Variants in CBLN2 observed in about 807,000 individuals in gnomAD.
CBLN2 encodes cerebellin-2.
A neutral mutation model predicts 15.0 loss-of-function variants in CBLN2; 7 were observed. The observed-to-expected ratio is 0.47, with a 90% confidence interval of 0.27 to 0.88. The LOEUF (loss-of-function observed/expected upper bound fraction) is 0.88, where lower values mean the gene tolerates loss of function less well. CBLN2 is among the 40% of genes least tolerant of loss of function. CBLN2 has a pLI of 0.14. For missense variants in CBLN2, 242 were observed against 304.5 expected, an observed-to-expected ratio of 0.79 and a Z score of 1.53; for synonymous variants, 149 against 135.2, an observed-to-expected ratio of 1.10 and a Z score of -0.71.
intron 1 of CBLN2, among the ~76,000 whole-genome samples, chr18:72,575,013 G>A (rs1279865586): frequency 6.6e-6 from 1 of 152,160 alleles, no homozygotes; most frequent in Non-Finnish European, 1.5e-5. Flanking sequence ...GAGTGTTTGG[G>A]TGGAAGTGAT....
chr18:72,585,793 C>T (rs2069438816), intron 1 of CBLN2, among the ~76,000 whole-genome samples: 1 of 152,224 alleles, frequency 6.6e-6, no homozygotes. Flanking sequence ...ACCCTCAGTA[C>T]CCCCTTGGCC....
chr18:72,564,041 T>C (rs1014753751), intron 1 of CBLN2, among the ~76,000 whole-genome samples: 6 of 152,202 alleles, frequency 3.9e-5, no homozygotes, highest in African/African-American at 1.4e-4. Context: ...AAAACGTACC[T>C]GCAGGTGGAA....
intron 1 of CBLN2, among the ~76,000 whole-genome samples, chr18:72,575,799 T>A (rs1024162710): frequency 5.6e-5 from 5 of 89,398 alleles, no homozygotes; most frequent in Admixed American, 2.8e-4. Flanking sequence ...GAACGGGAGA[T>A]GTGCGGTGAC....
intron 1 of CBLN2, among the ~76,000 whole-genome samples, chr18:72,571,644 C>T (rs2069332839): frequency 6.6e-6 from 1 of 152,174 alleles, no homozygotes; most frequent in African/African-American, 2.4e-5. Context: ...CTTGTGTCCA[C>T]CACTGTCCGT....
chr18:72,620,045 CA>C (rs1240932955), intron 1 of CBLN2, among the ~76,000 whole-genome samples: 2 of 152,236 alleles, frequency 1.3e-5, no homozygotes, highest in Non-Finnish European at 2.9e-5. Flanking sequence ...TTTTGGGCAC[CA>C]GCAGGAACAA....
Position 72,577,815 on chromosome 18 carries a change from T to C in CBLN2, c.16-39043A>G, listed in dbSNP as rs368762563. Among the ~76,000 whole-genome samples the C allele has an allele frequency of 3.1e-4, 47 of 152,332 alleles. No homozygotes were observed. In the South Asian group the frequency reaches 9.5e-3, roughly 31 times the overall value. The stretch of plus-strand genomic sequence containing the variant: ...CGTAAATGTTGTTCACTGAATATGA[T>C]GAGCATTTGTAGCATAATAGTTTGT... On this transcript the variant is annotated intron_variant, in intron 1 of 2. Transcript: ENST00000581073.
At position 72,544,241 on chromosome 18, in the gene CBLN2, T is replaced by G. The variant is rs1321204228; in HGVS notation, c.-476A>C. 3.5e-5 allele frequency: 2 copies of G among 57,376 alleles called. No homozygotes were observed. Among genetic ancestry groups the G allele is most frequent in the African/African-American group, 6.1e-5 (2 of 32,736 alleles). The allele number at this position is 57,376 out of a possible 1,614,324, so 3.6% of individuals were successfully genotyped here. Reference sequence around the variant, plus strand: ...CTTGAGAATTTGATGATTTAGGAGCTGTGGTTCCAGAGTCCCAGTTGGGGA... The same window carrying G: ...CTTGAGAATTTGATGATTTAGGAGCGGTGGTTCCAGAGTCCCAGTTGGGGA... On this transcript the variant is annotated 5_prime_UTR_variant, in exon 1 of 5. Transcript: ENST00000269503.
At chr18:72,560,292 T>C (rs1299792178) in intron 1 of CBLN2, among the ~76,000 whole-genome samples, 1 of 152,166 alleles carries the variant, frequency 6.6e-6, no homozygotes, top group African/African-American at 2.4e-5. Flanking sequence ...AAAATAATTC[T>C]TCTGTGTTTA....
In CBLN2 at chr18:72,541,921, G is replaced by A. The variant is rs1409899937; in HGVS notation, c.240C>T (p.Ser80=). 6.2e-7 allele frequency: 1 copy of A among 1,608,368 alleles called. No homozygotes were observed. Among genetic ancestry groups the A allele is most frequent in the Non-Finnish European group, 8.5e-7 (1 of 1,179,528 alleles). Residue 80 remains serine (S), a synonymous_variant, in exon 3 of 5, where the codon TCC becomes TCT. Coordinates refer to ENST00000269503, the MANE Select transcript of CBLN2 (RefSeq NM_182511.4). ...SSPSADGAVT[S]SLGISVRSGS... The stretch of plus-strand genomic sequence containing the variant: ...CGGAGCGCACGGAGATGCCTAGGGA[G>A]GAGGTGACGGCGCCGTCCGCCGACG...
At chr18:72,586,637 G>A (rs654618) in intron 1 of CBLN2, among the ~76,000 whole-genome samples, 53,319 of 152,040 alleles carry the variant, frequency 0.35, 11,494 homozygotes, top group African/African-American at 0.59. Context: ...TTATTGATTC[G>A]TTCAGTACTA....
intron 1 of CBLN2, among the ~76,000 whole-genome samples, chr18:72,563,133 T>C (rs907928301): frequency 6.6e-6 from 1 of 152,122 alleles, no homozygotes; most frequent in Non-Finnish European, 1.5e-5. Context: ...TAGAAAATAA[T>C]GAGCATGTGC....
chr18:72,575,202 T>C (rs1180834845), intron 1 of CBLN2, among the ~76,000 whole-genome samples: 1 of 151,960 alleles, frequency 6.6e-6, no homozygotes, highest in Non-Finnish European at 1.5e-5. Flanking sequence ...GCTGAGACAA[T>C]GGAGGGTCTG....
intron 1 of CBLN2, chr18:72,618,523 C>A: frequency 1.4e-6 from 1 of 695,562 alleles, no homozygotes; most frequent in East Asian, 2.9e-5. Flanking sequence ...GTTGTGGAAC[C>A]AAAAAGCTGT....
At chr18:72,564,589 T>G (rs2069282263) in intron 1 of CBLN2, among the ~76,000 whole-genome samples, 1 of 152,182 alleles carries the variant, frequency 6.6e-6, no homozygotes, top group Non-Finnish European at 1.5e-5. Flanking sequence ...TTATTAATAT[T>G]TGCATATTAG....
intron 1 of CBLN2, among the ~76,000 whole-genome samples, chr18:72,594,673 G>T (rs1366106606): frequency 6.6e-6 from 1 of 151,894 alleles, no homozygotes; most frequent in Non-Finnish European, 1.5e-5. Flanking sequence ...GGTTTTCTTT[G>T]TTGGGATTCT....
At position 72,543,316 on chromosome 18, in the gene CBLN2, G is replaced by C. The variant is rs2069132565; in HGVS notation, c.-167+170C>G. On this transcript the variant is annotated intron_variant, in intron 2 of 4. Transcript: ENST00000269503. This position sits in a 1 kb window ranked among gnomAD's most constrained non-coding sequence, Gnocchi z 6.8. ...TCTTCCAGTATTCTTTCTAAGAACA[G>C]AGAAGTTGGCTCTTGATAAATATCC... 2.6e-6 allele frequency: 1 copy of C among 383,906 alleles called. No homozygotes were observed. The highest frequency in any genetic ancestry group is 3.7e-5 in the East Asian group (1 of 27,244). 23.8% of individuals were successfully genotyped at this position (383,906 alleles called of 1,614,324 possible).
chr18:72,614,959 C>A (rs1206558480), intron 1 of CBLN2, among the ~76,000 whole-genome samples: 1 of 147,616 alleles, frequency 6.8e-6, no homozygotes, highest in East Asian at 2.0e-4. Flanking sequence ...TGTCTATTGG[C>A]CTGAGCTTGA....
In CBLN2 at chr18:72,541,285, CT is replaced by C. The variant is rs35778072; in HGVS notation, c.357+518del. On this transcript the variant is annotated intron_variant, in intron 3 of 4. Transcript: ENST00000269503. ...ATATATCCATCCCTGTTCTTCCTCA[CT>C]TTTTTTTTTTTTAAGATAAACATCC... Among the ~76,000 whole-genome samples, 6,102 of 144,362 alleles carry C rather than the reference CT, an allele frequency of 0.042. 654 individuals are homozygous for C. In the East Asian group the frequency reaches 0.48, roughly 11 times the overall value. 94.7% of individuals were successfully genotyped at this position (144,362 alleles called of 152,430 possible). A position where few individuals can be genotyped will look rare whatever the true frequency, so the allele number is the denominator to read the frequency against.
chr18:72,607,678 C>CCTCTCTCTCTCT (rs137899122), intron 1 of CBLN2, among the ~76,000 whole-genome samples: 13,843 of 149,554 alleles, frequency 0.093, 1,326 homozygotes, highest in African/African-American at 0.24. Flanking sequence ...TATGTAGATA[C>CCTCTCTCTCTCT]CTCTCTCTCT....
Sources: allele counts gnomAD v4.1 joint callset (sites outside exome capture counted in the v4.1 genomes callset), GRCh38; gene constraint gnomAD v4.1.1; non-coding constraint Gnocchi (gnomAD v3.1); transcripts MANE v1.5; gene names NCBI Gene and HGNC (gene_info 2026-07-23, HGNC 2026-07-21).